ZNF703: variants seen among roughly 807,000 people sequenced by gnomAD.
ZNF703 encodes the protein zinc finger protein 703, also known as NocA-like zinc finger 1.
A neutral mutation model predicts 30.7 loss-of-function variants in ZNF703; 18 were observed. That is an observed-to-expected ratio of 0.59 (90% CI 0.40 to 0.87). ZNF703 has a LOEUF of 0.87. ZNF703 is among the 40% of genes least tolerant of loss of function. The pLI, the probability that ZNF703 is intolerant of heterozygous loss-of-function variation, is 0.00. For missense variants in ZNF703, 814 were observed against 847.8 expected, an observed-to-expected ratio of 0.96 and a Z score of 0.50; for synonymous variants, 457 against 438.6, an observed-to-expected ratio of 1.04 and a Z score of -0.52.
chr8:37,698,584 G>A lies in ZNF703; in HGVS notation c.1683G>A (p.Val561=). Reference sequence around the variant, plus strand: ...TATCCACAGCGGGGGGCCTGGCCGTGCCGTCCCTCCCCACAGCCGGACCCT... The same window carrying A: ...TATCCACAGCGGGGGGCCTGGCCGTACCGTCCCTCCCCACAGCCGGACCCT... ...SHLSTAGGLA[V]PSLPTAGPYY... Residue 561 remains valine (V), a synonymous_variant, in exon 2 of 2, where the codon GTG becomes GTA. Transcript: ENST00000331569. 3 of 1,566,408 alleles carry A rather than the reference G, an allele frequency of 1.9e-6. No homozygotes were observed. The highest frequency in any genetic ancestry group is 5.1e-5 in the East Asian group (2 of 39,218).
chr8:37,695,908 C>T lies in ZNF703; in HGVS notation c.-72C>T. On this transcript the variant is annotated 5_prime_UTR_variant, in exon 1 of 2. Coordinates refer to ENST00000331569, the MANE Select transcript of ZNF703 (RefSeq NM_025069.3). ...CGATCGACGCTGCGGAGCGAGCCCA[C>T]CCGCCCCGGGAGCTCGCCTCCCCGG... 1 of 1,296,926 alleles carries T rather than the reference C, an allele frequency of 7.7e-7. No individual in the cohort carries two copies. Among genetic ancestry groups the T allele is most frequent in the South Asian group, 1.6e-5 (1 of 62,738 alleles). The allele number at this position is 1,296,926 out of a possible 1,614,324, so 80.3% of individuals were successfully genotyped here.
Position 37,696,092 on chromosome 8 carries a change from C to A in ZNF703, c.113C>A (p.Pro38Gln). 1.3e-6 allele frequency: 2 copies of A among 1,589,782 alleles called. No individual in the cohort carries two copies. Among genetic ancestry groups the A allele is most frequent in the South Asian group, 2.3e-5 (2 of 88,456 alleles). ...CCGGCAGCGGTGTCCCTCTTGCCAC[C>A]GGCGGACCCCCTGCGCCAGGCGAAC... The part of the protein sequence containing the change: ...AVPAAVSLLP[P>Q]ADPLRQANRL... The change falls in exon 1 of 2, where the codon CCG (proline) becomes CAG (glutamine). Residue 38 changes from proline to glutamine, a missense_variant. Transcript: ENST00000331569. The surrounding 1 kb of genome is among the most constrained non-coding windows in gnomAD (Gnocchi z 8.2).
Position 37,698,645 on chromosome 8 carries a change from G to A in ZNF703, c.1744G>A (p.Ala582Thr), listed in dbSNP as rs143653799. ...ATACGCGCTGTATGGACAGAGACTA[G>A]CTTCAGCCTCGGCGCTGGGATACCA... is the stretch of plus-strand genomic sequence containing the variant. ...SPYALYGQRLASASALGYQ is the reference protein window; with the variant it reads ...SPYALYGQRLTSASALGYQ Residue 582 changes from alanine (A) to threonine (T), a missense_variant, in exon 2 of 2, where the codon GCT (alanine) becomes ACT (threonine). Ala to Thr is a moderately conservative substitution (Grantham distance 58). Transcript: ENST00000331569. The A allele has an allele frequency of 2.9e-4, 439 of 1,491,610 alleles. No individual in the cohort carries two copies. The highest frequency in any genetic ancestry group is 3.5e-4 in the Non-Finnish European group (387 of 1,119,832). The allele number at this position is 1,491,610 out of a possible 1,614,324, so 92.4% of individuals were successfully genotyped here.
In ZNF703 at chr8:37,698,236, C is replaced by T. The variant is rs1025287328; in HGVS notation, c.1335C>T (p.Tyr445=). 3 of 1,538,276 alleles carry T rather than the reference C, an allele frequency of 2.0e-6. No homozygotes were observed. The highest frequency in any genetic ancestry group is 2.6e-6 in the Non-Finnish European group (3 of 1,148,382). ...AALPGHPLYT[Y]GFMLQNEPLP... ...TCCCCGGCCACCCGCTCTACACCTA[C>T]GGCTTCATGCTGCAGAACGAACCGC... Residue 445 remains tyrosine (Y), a synonymous_variant, in exon 2 of 2, where the codon TAC becomes TAT. Coordinates refer to ENST00000331569, the MANE Select transcript of ZNF703 (RefSeq NM_025069.3).
chr8:37,696,161 G>T lies in ZNF703; in HGVS notation c.182G>T (p.Gly61Val). ...CTGAAGATGCTGAGCGCTCACACCG[G>T]TCACCTCCTGCACCCGGAGTACCTG... is the stretch of plus-strand genomic sequence containing the variant. ...RVLKMLSAHTGHLLHPEYLQP... is the reference protein window; with the variant it reads ...RVLKMLSAHTVHLLHPEYLQP... The change falls in exon 1 of 2, where the codon GGT (glycine) becomes GTT (valine). Residue 61 changes from glycine (G) to valine (V), a missense_variant. Gly to Val is a moderately radical substitution (Grantham distance 109). Coordinates refer to ENST00000331569, the MANE Select transcript of ZNF703 (RefSeq NM_025069.3). The surrounding 1 kb of genome is among the most constrained non-coding windows in gnomAD (Gnocchi z 8.2). The T allele has an allele frequency of 1.2e-6, 2 of 1,612,126 alleles. No homozygotes were observed. Among genetic ancestry groups the T allele is most frequent in the Non-Finnish European group, 1.7e-6 (2 of 1,179,468 alleles).
rs887927889 is a variant in ZNF703, at chr8:37,696,051, G to C, written c.72G>C (p.Gly24=). ...ESSGSGSGGG[G]KRPAVPAAVS... is the part of the protein sequence containing the mutation. The stretch of plus-strand genomic sequence containing the variant: ...GCGGCAGCGGCAGCGGCGGCGGCGG[G>C]AAGAGGCCGGCGGTGCCGGCAGCGG... The change falls in exon 1 of 2, where the codon GGG becomes GGC. Residue 24 remains glycine, a synonymous_variant. Transcript: ENST00000331569. The surrounding 1 kb of genome is among the most constrained non-coding windows in gnomAD (Gnocchi z 8.2). 6.4e-7 allele frequency: 1 copy of C among 1,553,966 alleles called. No individual in the cohort carries two copies. Among genetic ancestry groups the C allele is most frequent in the South Asian group, 1.2e-5 (1 of 85,190 alleles).
At position 37,698,451 on chromosome 8, in the gene ZNF703, A is replaced by G; in HGVS notation, c.1550A>G (p.His517Arg). ...GCCGCCGCCGCCGCCGCCTCCTGCC[A>G]TCTGCACCTCCCCCCGCCCGCCGCC... is the stretch of plus-strand genomic sequence containing the variant. ...AAAAAAAASC[H>R]LHLPPPAAPG... The change falls in exon 2 of 2, where the codon CAT becomes CGT. Residue 517 changes from histidine to arginine, a missense_variant. By Grantham distance (29) the His-to-Arg change is conservative (BLOSUM62 0). Transcript: ENST00000331569. 1.3e-6 allele frequency: 2 copies of G among 1,491,804 alleles called. No homozygotes were observed. The highest frequency in any genetic ancestry group is 1.8e-6 in the Non-Finnish European group (2 of 1,122,516). The allele number at this position is 1,491,804 out of a possible 1,614,324, so 92.4% of individuals were successfully genotyped here.
chr8:37,696,463 T>G lies in ZNF703; in HGVS notation c.243+241T>G, dbSNP rs1802070219. On this transcript the variant is annotated intron_variant, in intron 1 of 1. Coordinates refer to ENST00000331569, the MANE Select transcript of ZNF703 (RefSeq NM_025069.3). The surrounding 1 kb of genome is among the most constrained non-coding windows in gnomAD (Gnocchi z 8.2). Reference sequence around the variant, plus strand: ...CGGAGCTCCGTGTTTTCTCTCGGATTGGATTTGCTCCTGGAGTCCCCTCTG... The same window carrying G: ...CGGAGCTCCGTGTTTTCTCTCGGATGGGATTTGCTCCTGGAGTCCCCTCTG... Among the ~76,000 whole-genome samples the G allele has an allele frequency of 6.6e-6, 1 of 152,112 alleles. No individual in the cohort carries two copies. The highest frequency in any genetic ancestry group is 2.4e-5 in the African/African-American group (1 of 41,440).
rs1440103828 is a variant in ZNF703, at chr8:37,698,695, C to T, written c.*21C>T. The T allele has an allele frequency of 7.1e-7, 1 of 1,415,048 alleles. No individual in the cohort carries two copies. The highest frequency in any genetic ancestry group is 9.2e-7 in the Non-Finnish European group (1 of 1,081,786). The allele number at this position is 1,415,048 out of a possible 1,614,324, so 87.7% of individuals were successfully genotyped here. A position where few individuals can be genotyped will look rare whatever the true frequency, so the allele number is the denominator to read the frequency against. ...AGTAACTACAGCTCTTCCTCCACCC[C>T]AGCCCCCTCACCCTCCTCCCTCTCC... On this transcript the variant is annotated 3_prime_UTR_variant, in exon 2 of 2. Transcript: ENST00000331569.
Position 37,696,093 on chromosome 8 carries a change from G to C in ZNF703, c.114G>C (p.Pro38=). Residue 38 remains proline, a synonymous_variant, in exon 1 of 2, where the codon CCG becomes CCC. Transcript: ENST00000331569. This position sits in a 1 kb window ranked among gnomAD's most constrained non-coding sequence, Gnocchi z 8.2. ...AVPAAVSLLP[P]ADPLRQANRL... The stretch of plus-strand genomic sequence containing the variant: ...CGGCAGCGGTGTCCCTCTTGCCACC[G>C]GCGGACCCCCTGCGCCAGGCGAACC... The C allele has an allele frequency of 6.3e-7, 1 of 1,591,400 alleles. No individual in the cohort carries two copies. Among genetic ancestry groups the C allele is most frequent in the Non-Finnish European group, 8.6e-7 (1 of 1,169,156 alleles).
Position 37,697,484 on chromosome 8 carries a change from C to T in ZNF703, c.583C>T (p.Pro195Ser). 1 of 1,535,526 alleles carries T rather than the reference C, an allele frequency of 6.5e-7. No homozygotes were observed. Among genetic ancestry groups the T allele is most frequent in the Non-Finnish European group, 8.7e-7 (1 of 1,145,626 alleles). Reference protein sequence around the residue: ...SPGDKAGFRVPSAACPPFPPH... With the variant: ...SPGDKAGFRVSSAACPPFPPH... ...GGGAGACAAGGCGGGCTTCAGGGTC[C>T]CCAGCGCCGCCTGCCCGCCCTTTCC... The change falls in exon 2 of 2, where the codon CCC (proline) becomes TCC (serine). Residue 195 changes from proline to serine, a missense_variant. By Grantham distance (74) the Pro-to-Ser change is moderately conservative. Transcript: ENST00000331569.
chr8:37,698,627 C>A lies in ZNF703; in HGVS notation c.1726C>A (p.Leu576Met). The A allele has an allele frequency of 6.5e-7, 1 of 1,535,924 alleles. No individual in the cohort carries two copies. Among genetic ancestry groups the A allele is most frequent in the Non-Finnish European group, 8.7e-7 (1 of 1,144,394 alleles). Reference sequence around the variant, plus strand: ...CGGACCCTACTATTCGCCATACGCGCTGTATGGACAGAGACTAGCTTCAGC... The same window carrying A: ...CGGACCCTACTATTCGCCATACGCGATGTATGGACAGAGACTAGCTTCAGC... ...TAGPYYSPYA[L>M]YGQRLASASA... is the part of the protein sequence containing the mutation. The change falls in exon 2 of 2, where the codon CTG (leucine) becomes ATG (methionine). Residue 576 changes from leucine to methionine, a missense_variant. By Grantham distance (15) the Leu-to-Met change is conservative (BLOSUM62 2). Coordinates refer to ENST00000331569, the MANE Select transcript of ZNF703 (RefSeq NM_025069.3).
In ZNF703 at chr8:37,698,281, G is replaced by A. The variant is rs1370516133; in HGVS notation, c.1380G>A (p.Trp460Ter). 1 of 1,540,330 alleles carries A rather than the reference G, an allele frequency of 6.5e-7. No homozygotes were observed. The highest frequency in any genetic ancestry group is 8.7e-7 in the Non-Finnish European group (1 of 1,146,868). The change falls in exon 2 of 2, where the codon TGG (tryptophan) becomes TGA (stop). Residue 460 changes from tryptophan to a stop codon, truncating the protein, a stop_gained. Transcript: ENST00000331569. LOFTEE classifies it high-confidence loss of function. ...AACCGCTGCCGCACAGCTGCAACTG[G>A]GTGGCAGCCAGTGGGCCGTGCGACA... ...QNEPLPHSCN[W>*]VAASGPCDKR...
chr8:37,698,350 C>A lies in ZNF703; in HGVS notation c.1449C>A (p.Thr483=). 6.5e-7 allele frequency: 1 copy of A among 1,536,912 alleles called. No homozygotes were observed. The change falls in exon 2 of 2, where the codon ACC becomes ACA. Residue 483 remains threonine, a synonymous_variant. Transcript: ENST00000331569. ...TSEELLSHLR[T]HTALPGAEKL... is the part of the protein sequence containing the mutation. ...AGGAGCTGCTCAGCCACCTACGGAC[C>A]CACACGGCCCTGCCGGGAGCCGAGA...
chr8:37,696,026 G>A lies in ZNF703; in HGVS notation c.47G>A (p.Ser16Asn). The change falls in exon 1 of 2, where the codon AGC becomes AAC. Residue 16 changes from serine to asparagine, a missense_variant. Physicochemically the swap from Ser to Asn is conservative, Grantham distance 46 (BLOSUM62 1). Coordinates refer to ENST00000331569, the MANE Select transcript of ZNF703 (RefSeq NM_025069.3). This position sits in a 1 kb window ranked among gnomAD's most constrained non-coding sequence, Gnocchi z 8.2. ...TCTAACCCAAGGACACCCGAAAGCA[G>A]CGGCAGCGGCAGCGGCGGCGGCGGG... ...AGSNPRTPES[S>N]GSGSGGGGKR... The A allele has an allele frequency of 6.4e-7, 1 of 1,551,824 alleles. No homozygotes were observed. The highest frequency in any genetic ancestry group is 8.7e-7 in the Non-Finnish European group (1 of 1,148,026).
In ZNF703 at chr8:37,696,292, C is replaced by T. The variant is rs932253852; in HGVS notation, c.243+70C>T. 5.3e-5 allele frequency: 79 copies of T among 1,484,924 alleles called. No homozygotes were observed. Among genetic ancestry groups the T allele is most frequent in the South Asian group, 1.2e-4 (9 of 75,180 alleles). The allele number at this position is 1,484,924 out of a possible 1,614,324, so 92.0% of individuals were successfully genotyped here. A position where few individuals can be genotyped will look rare whatever the true frequency, so the allele number is the denominator to read the frequency against. On this transcript the variant is annotated intron_variant, in intron 1 of 1. Coordinates refer to ENST00000331569, the MANE Select transcript of ZNF703 (RefSeq NM_025069.3). The surrounding 1 kb of genome is among the most constrained non-coding windows in gnomAD (Gnocchi z 8.2). ...CACCGCGACCGGGACCCTGACCCAGCTCCCAGCGCCCCGGGGCTCGGTGCG... is the reference window on the plus strand; with the variant it reads ...CACCGCGACCGGGACCCTGACCCAGTTCCCAGCGCCCCGGGGCTCGGTGCG...
chr8:37,698,637 A>G lies in ZNF703; in HGVS notation c.1736A>G (p.Gln579Arg), dbSNP rs1238674116. The G allele has an allele frequency of 1.3e-6, 2 of 1,513,486 alleles. No individual in the cohort carries two copies. Among genetic ancestry groups the G allele is most frequent in the African/African-American group, 1.4e-5 (1 of 69,536 alleles). The allele number at this position is 1,513,486 out of a possible 1,614,324, so 93.8% of individuals were successfully genotyped here. ...TATTCGCCATACGCGCTGTATGGAC[A>G]GAGACTAGCTTCAGCCTCGGCGCTG... is the stretch of plus-strand genomic sequence containing the variant. ...PYYSPYALYG[Q>R]RLASASALGY... is the part of the protein sequence containing the mutation. Residue 579 changes from glutamine to arginine, a missense_variant, in exon 2 of 2, where the codon CAG becomes CGG. Physicochemically the swap from Gln to Arg is conservative, Grantham distance 43. Transcript: ENST00000331569.
Position 37,697,874 on chromosome 8 carries a change from G to T in ZNF703, c.973G>T (p.Gly325Cys), listed in dbSNP as rs745762966. 1.3e-6 allele frequency: 2 copies of T among 1,550,198 alleles called. No homozygotes were observed. The highest frequency in any genetic ancestry group is 2.4e-5 in the South Asian group (2 of 85,030). Residue 325 changes from glycine to cysteine, a missense_variant, in exon 2 of 2, where the codon GGC (glycine) becomes TGC (cysteine). By Grantham distance (159) the Gly-to-Cys change is radical. Transcript: ENST00000331569. ...CGGCTCCATCGTGGGCGCCTACGCC[G>T]GCTACCCGTCTCAGTTCGTGCCTGG... ...YHGSIVGAYA[G>C]YPSQFVPGLD...
chr8:37,698,793 C>G lies in ZNF703; in HGVS notation c.*119C>G. The G allele has an allele frequency of 1.2e-6, 1 of 823,186 alleles. No individual in the cohort carries two copies. Among genetic ancestry groups the G allele is most frequent in the South Asian group, 3.5e-5 (1 of 28,932 alleles). 51.0% of individuals were successfully genotyped at this position (823,186 alleles called of 1,614,324 possible). ...GCTTGACCCTGCCGGGATTCCCCACCCAGCCCTTCCCCACCGGACTGTGTA... is the reference window on the plus strand; with the variant it reads ...GCTTGACCCTGCCGGGATTCCCCACGCAGCCCTTCCCCACCGGACTGTGTA... On this transcript the variant is annotated 3_prime_UTR_variant, in exon 2 of 2. Coordinates refer to ENST00000331569, the MANE Select transcript of ZNF703 (RefSeq NM_025069.3).
Sources: allele counts gnomAD v4.1 joint callset (sites outside exome capture counted in the v4.1 genomes callset), GRCh38; gene constraint gnomAD v4.1.1; non-coding constraint Gnocchi (gnomAD v3.1); transcripts MANE v1.5; gene names NCBI Gene and HGNC (gene_info 2026-07-23, HGNC 2026-07-21).